FYB1: variants seen among roughly 807,000 people sequenced by gnomAD.
The protein encoded by FYB1 is FYN-binding protein 1.
FYB1 carries 41 observed loss-of-function variants against 94.1 expected under a neutral mutation model. That is an observed-to-expected ratio of 0.44 (90% confidence interval 0.34 to 0.57). The LOEUF (loss-of-function observed/expected upper bound fraction) is 0.57, where lower values mean the gene tolerates loss of function less well. Among genes scored for constraint, FYB1 ranks in the 20% least tolerant of loss-of-function variants. FYB1 has a pLI of 0.02. For synonymous variants in FYB1, 367 were observed against 353.2 expected (o/e 1.04, Z -0.44); for missense variants, 1,050 against 976.8 (o/e 1.07, Z -1.00).
chr5:39,114,391 G>GCC (rs1047302890), intron 16 of FYB1, among the ~76,000 whole-genome samples: 1 of 152,202 alleles, frequency 6.6e-6, no homozygotes. Context: ...ATGTGATAAT[G>GCC]CCTGTAAAAG....
At position 39,118,662 on chromosome 5, in the gene FYB1, A is replaced by T. The variant is rs57946987; in HGVS notation, c.2401+212T>A. 3.0e-3 allele frequency among the ~76,000 whole-genome samples: 460 copies of T among 152,308 alleles called. 2 individuals are homozygous for T. Among genetic ancestry groups the T allele is most frequent in the African/African-American group, 0.011 (451 of 41,574 alleles). ...GCATTATCTTTGACACCGAGTATAT[A>T]GATAGTATATGGTAAATAAAAAGAG... On this transcript the variant is annotated intron_variant, in intron 16 of 18. Transcript: ENST00000512982.
In FYB1 at chr5:39,107,200, G is replaced by A. The variant is rs918604156; in HGVS notation, c.*243C>T. On this transcript the variant is annotated 3_prime_UTR_variant, in exon 19 of 19. Coordinates refer to ENST00000512982, the MANE Select transcript of FYB1 (RefSeq NM_001465.6). ...ACTTCTTCATAATTGTAGCCAAAGCGGAAATGGAATATTTAATAATTCTTA... is the reference window on the plus strand; with the variant it reads ...ACTTCTTCATAATTGTAGCCAAAGCAGAAATGGAATATTTAATAATTCTTA... 1.7e-5 allele frequency: 5 copies of A among 297,010 alleles called. No homozygotes were observed. Among genetic ancestry groups the A allele is most frequent in the Non-Finnish European group, 3.2e-5 (5 of 156,500 alleles). The allele number at this position is 297,010 out of a possible 1,614,324, so 18.4% of individuals were successfully genotyped here. A position where few individuals can be genotyped will look rare whatever the true frequency, so the allele number is the denominator to read the frequency against.
chr5:39,145,627 T>A (rs370468069), intron 3 of FYB1, among the ~76,000 whole-genome samples: 3 of 152,182 alleles, frequency 2.0e-5, no homozygotes, highest in South Asian at 4.1e-4. Context: ...ATTAAAAAGA[T>A]GAAAATACCT....
chr5:39,179,426 A>G (rs1746017706), intron 2 of FYB1, among the ~76,000 whole-genome samples: 1 of 152,174 alleles, frequency 6.6e-6, no homozygotes, highest in Admixed American at 6.5e-5. Flanking sequence ...GAGTCAGGGA[A>G]CAAGTACATA....
intron 9 of FYB1, among the ~76,000 whole-genome samples, chr5:39,132,746 A>C (rs1202474122): frequency 1.3e-5 from 2 of 152,198 alleles, no homozygotes; most frequent in Non-Finnish European, 2.9e-5. Context: ...AAATATGCGC[A>C]AATAATGTAA....
chr5:39,253,463 CT>C (rs796619735), intron 1 of FYB1, among the ~76,000 whole-genome samples: 13 of 151,620 alleles, frequency 8.6e-5, no homozygotes, highest in South Asian at 2.1e-4. Flanking sequence ...ACAACAAAAT[CT>C]TTTTTTTAAA....
At position 39,247,889 on chromosome 5, in the gene FYB1, T is replaced by TTTTTG. The variant is rs59562725; in HGVS notation, c.-28+26509_-28+26513dup. On this transcript the variant is annotated intron_variant, in intron 1 of 1. Coordinates refer to the FYB1 transcript ENST00000510188. The stretch of plus-strand genomic sequence containing the variant: ...TCTTGGCTTTGGGCTTACTTTCTTG[T>TTTTTG]TTTTGTTTTGTTTTGTTTTGTTTTG... Among the ~76,000 whole-genome samples, 1,082 of 149,356 alleles carry TTTTTG rather than the reference T, an allele frequency of 7.2e-3. 5 individuals are homozygous for TTTTTG. The highest frequency in any genetic ancestry group is 9.5e-3 in the Non-Finnish European group (644 of 67,554).
At chr5:39,175,868 A>G (rs1243399801) in intron 2 of FYB1, among the ~76,000 whole-genome samples, 1 of 152,192 alleles carries the variant, frequency 6.6e-6, no homozygotes, top group African/African-American at 2.4e-5. Flanking sequence ...TAGGGGCTCA[A>G]GGTCAGGGAG....
At chr5:39,125,497 AATT>A (rs764856650) in intron 12 of FYB1, among the ~76,000 whole-genome samples, 4 of 152,190 alleles carry the variant, frequency 2.6e-5, no homozygotes, top group Non-Finnish European at 5.9e-5. Context: ...AAAAGTCTTT[AATT>A]ATTGTACTTA....
intron 1 of FYB1, among the ~76,000 whole-genome samples, chr5:39,243,104 G>C (rs1751295212): frequency 6.6e-6 from 1 of 152,130 alleles, no homozygotes; most frequent in Non-Finnish European, 1.5e-5. Flanking sequence ...TGTTCACTCT[G>C]ATGGTAGTTT....
intron 2 of FYB1, among the ~76,000 whole-genome samples, chr5:39,156,135 G>T (rs1743729799): frequency 6.6e-6 from 1 of 152,140 alleles, no homozygotes; most frequent in African/African-American, 2.4e-5. Context: ...GCCGACAAGT[G>T]AGAAGTTATA....
intron 1 of FYB1, among the ~76,000 whole-genome samples, chr5:39,262,363 T>C (rs900199187): frequency 2.0e-5 from 3 of 152,216 alleles, no homozygotes; most frequent in African/African-American, 7.2e-5. Context: ...GAAGAGTTTA[T>C]TGGAATGGCT....
intron 2 of FYB1, chr5:39,170,008 G>A: frequency 4.0e-6 from 3 of 744,596 alleles, no homozygotes; most frequent in South Asian, 2.9e-5. Flanking sequence ...TTGGGATGAA[G>A]GCCTAGGAAC....
At chr5:39,176,141 T>TG (rs1342089545) in intron 2 of FYB1, among the ~76,000 whole-genome samples, 1 of 23,714 alleles carries the variant, frequency 4.2e-5, no homozygotes, top group East Asian at 6.8e-3. Context: ...TTTTCTGTTT[T>TG]TTTTTTTTTT....
At chr5:39,274,236 T>C (rs188499564) in intron 1 of FYB1, among the ~76,000 whole-genome samples, 6 of 152,342 alleles carry the variant, frequency 3.9e-5, no homozygotes, top group Admixed American at 3.3e-4. Flanking sequence ...TTAAAACTGT[T>C]AGCATAGAAG....
intron 1 of FYB1, among the ~76,000 whole-genome samples, chr5:39,269,402 T>A (rs1422710959): frequency 6.6e-6 from 1 of 152,184 alleles, no homozygotes; most frequent in Non-Finnish European, 1.5e-5. Context: ...CTTGGAAACG[T>A]AGAGGGATTT....
intron 3 of FYB1, 51 bp from the exon 4 acceptor site, chr5:39,141,192 C>A: frequency 1.7e-6 from 2 of 1,172,734 alleles, no homozygotes; most frequent in East Asian, 2.4e-5. Context: ...AGATGCTCAC[C>A]TTACAATGAA....
intron 1 of FYB1, 50 bp from the exon 2 acceptor site, chr5:39,203,037 C>A: frequency 6.5e-7 from 1 of 1,538,934 alleles, no homozygotes; most frequent in Middle Eastern, 2.3e-4. Flanking sequence ...GTCTTACTTG[C>A]ACAGTTTAAA....
intron 2 of FYB1, among the ~76,000 whole-genome samples, chr5:39,198,070 A>C (rs1747988340): frequency 6.6e-6 from 1 of 152,208 alleles, no homozygotes; most frequent in Non-Finnish European, 1.5e-5. Flanking sequence ...AAAAGTAATA[A>C]AATTATAGAC....
Sources: allele counts gnomAD v4.1 joint callset (sites outside exome capture counted in the v4.1 genomes callset), GRCh38; gene constraint gnomAD v4.1.1; transcripts MANE v1.5; gene names NCBI Gene and HGNC (gene_info 2026-07-23, HGNC 2026-07-21).